Variants in NUDT5 observed in about 807,000 individuals in gnomAD.
NUDT5 encodes ADP-sugar pyrophosphatase.
A neutral mutation model predicts 34.1 loss-of-function variants in NUDT5; 21 were observed. The ratio of observed to expected loss-of-function variants is 0.62; its 90% confidence interval spans 0.44 to 0.89. The LOEUF is 0.89. Ranked by LOEUF, NUDT5 falls within the 40% of genes least tolerant of loss-of-function variation. The probability of loss-of-function intolerance (pLI) is 0.00; values close to 1 mark genes in which losing one functional copy is unlikely to be tolerated. For missense variants in NUDT5, 249 were observed against 274.8 expected, an observed-to-expected ratio of 0.91 and a Z score of 0.66; for synonymous variants, 85 against 97.6, an observed-to-expected ratio of 0.87 and a Z score of 0.76.
rs1231103312 is a variant in NUDT5 at position 12,182,830 on chromosome 10, G to A, written c.131+2059C>T. Among the ~76,000 whole-genome samples the A allele has an allele frequency of 2.6e-5, 4 of 152,126 alleles. No individual in the cohort carries two copies. The highest frequency in any genetic ancestry group is 4.4e-5 in the Non-Finnish European group (3 of 68,016). On this transcript the variant is annotated intron_variant, in intron 3 of 9. Transcript: ENST00000491614. This position sits in a 1 kb window ranked among gnomAD's most constrained non-coding sequence, Gnocchi z 4.3. Reference sequence around the variant, plus strand: ...CGGCTCACTGCAACCACCTCCTCCCGGGCTCAAGCAATTCTCCTGTCTCAG... The same window carrying A: ...CGGCTCACTGCAACCACCTCCTCCCAGGCTCAAGCAATTCTCCTGTCTCAG...
At position 12,168,339 on chromosome 10, in the gene NUDT5, T is replaced by G. The variant is rs1834761574; in HGVS notation, c.551-528A>C. Reference sequence around the variant, plus strand: ...GCACCCAGCCAGGGATGATTTTATGTGTGAAAACAGCAAAGTTGGAAGTGT... The same window carrying G: ...GCACCCAGCCAGGGATGATTTTATGGGTGAAAACAGCAAAGTTGGAAGTGT... On this transcript the variant is annotated intron_variant, in intron 9 of 9. Transcript: ENST00000491614. The surrounding 1 kb of genome is among the most constrained non-coding windows in gnomAD (Gnocchi z 4.8). Among the ~76,000 whole-genome samples, 1 of 152,136 alleles carries G rather than the reference T, an allele frequency of 6.6e-6. No homozygotes were observed. The highest frequency in any genetic ancestry group is 1.5e-5 in the Non-Finnish European group (1 of 68,026).
At chr10:12,190,178 C>G (rs950391397) in intron 1 of NUDT5, among the ~76,000 whole-genome samples, 2 of 152,274 alleles carry the variant, frequency 1.3e-5, no homozygotes, top group Admixed American at 1.3e-4. Context: ...CGTGAGTCAC[C>G]GCGCCAGCGA....
At chr10:12,185,992 G>A (rs990156288) in intron 2 of NUDT5, among the ~76,000 whole-genome samples, 8 of 152,136 alleles carry the variant, frequency 5.3e-5, no homozygotes, top group African/African-American at 1.7e-4. Context: ...GAAGGATTAA[G>A]AATTTTTCTG....
chr10:12,184,403 C>G, intron 3 of NUDT5: 1 of 1,115,498 alleles, frequency 9.0e-7, no homozygotes, highest in Non-Finnish European at 1.3e-6. Flanking sequence ...TCAAAGGGTA[C>G]AGTATCTTTA....
chr10:12,183,447 T>C (rs974642963), intron 3 of NUDT5, among the ~76,000 whole-genome samples: 1 of 152,226 alleles, frequency 6.6e-6, no homozygotes, highest in African/African-American at 2.4e-5. Flanking sequence ...GTAGATATAA[T>C]CACAGTTGTT....
chr10:12,180,572 C>T (rs1835026368), intron 3 of NUDT5: 1 of 152,180 alleles, frequency 6.6e-6, no homozygotes, highest in South Asian at 2.1e-4. Flanking sequence ...CATAAATCAC[C>T]AGCAATAAAA....
rs1046548942 is a variant in NUDT5 at position 12,182,260 on chromosome 10, G to A, written c.131+2629C>T. ...CAGCCTGTCACACAGAGTCAGGTGTGGAATTCTCCAGCTGGGGCATCATGT... is the reference window on the plus strand; with the variant it reads ...CAGCCTGTCACACAGAGTCAGGTGTAGAATTCTCCAGCTGGGGCATCATGT... On this transcript the variant is annotated intron_variant, in intron 3 of 9. Coordinates refer to ENST00000491614, the MANE Select transcript of NUDT5 (RefSeq NM_014142.4). The surrounding 1 kb of genome is among the most constrained non-coding windows in gnomAD (Gnocchi z 4.3). Among the ~76,000 whole-genome samples the A allele has an allele frequency of 2.6e-5, 4 of 152,186 alleles. No individual in the cohort carries two copies. The highest frequency in any genetic ancestry group is 2.0e-4 in the Admixed American group (3 of 15,276).
chr10:12,179,335 T>A lies in NUDT5; in HGVS notation c.132-203A>T, dbSNP rs111718769. On this transcript the variant is annotated intron_variant, in intron 3 of 9. Coordinates refer to ENST00000491614, the MANE Select transcript of NUDT5 (RefSeq NM_014142.4). ...GCTTCTGAAAATTAACAACGAAAAC[T>A]CTTGCCACCCTACACCTCACCTTCT... is the stretch of plus-strand genomic sequence containing the variant. Among the ~76,000 whole-genome samples, 6 of 152,300 alleles carry A rather than the reference T, an allele frequency of 3.9e-5. 1 individual carries two copies. The highest frequency in any genetic ancestry group is 1.2e-4 in the African/African-American group (5 of 41,570).
At chr10:12,176,197 C>G (rs1834947368) in intron 5 of NUDT5, among the ~76,000 whole-genome samples, 1 of 148,982 alleles carries the variant, frequency 6.7e-6, no homozygotes, top group Non-Finnish European at 1.5e-5. Flanking sequence ...AACTCTATTT[C>G]AAAAAATAAA....
chr10:12,171,682 ATTTAT>A lies in NUDT5; in HGVS notation c.488-779_488-775del, dbSNP rs1373553136. Among the ~76,000 whole-genome samples, 11 of 144,124 alleles carry A rather than the reference ATTTAT, an allele frequency of 7.6e-5. No individual in the cohort carries two copies. Among genetic ancestry groups the A allele is most frequent in the Non-Finnish European group, 1.4e-4 (9 of 65,904 alleles). The allele number at this position is 144,124 out of a possible 152,430, so 94.6% of individuals were successfully genotyped here. A position where few individuals can be genotyped will look rare whatever the true frequency, so the allele number is the denominator to read the frequency against. On this transcript the variant is annotated intron_variant, in intron 7 of 9. Coordinates refer to ENST00000491614, the MANE Select transcript of NUDT5 (RefSeq NM_014142.4). The surrounding 1 kb of genome is among the most constrained non-coding windows in gnomAD (Gnocchi z 4.2). ...GTATATGTGCAGTTCAAAAATTAAG[ATTTAT>A]TTTATTTATTTATTTATTTATTTAT...
intron 2 of NUDT5, 84 bp downstream of exon 2, chr10:12,186,142 GACC>G: frequency 9.6e-7 from 1 of 1,045,874 alleles, no homozygotes; most frequent in South Asian, 1.4e-5. Context: ...AAGAATGAAA[GACC>G]ACCATTGTAA....
intron 1 of NUDT5, among the ~76,000 whole-genome samples, chr10:12,194,471 G>T (rs569152840): frequency 1.0e-3 from 152 of 152,206 alleles, no homozygotes; most frequent in Non-Finnish European, 1.5e-3. Flanking sequence ...GCATAGTTCC[G>T]GATCAAGGCA....
At position 12,181,896 on chromosome 10, in the gene NUDT5, T is replaced by C. The variant is rs185260725; in HGVS notation, c.132-2764A>G. Reference sequence around the variant, plus strand: ...GCTCACGACTGTAGTCCTAGCACTTTGGGAGGCCAAGGTGGGTGGATCACC... The same window carrying C: ...GCTCACGACTGTAGTCCTAGCACTTCGGGAGGCCAAGGTGGGTGGATCACC... On this transcript the variant is annotated intron_variant, in intron 3 of 9. Transcript: ENST00000491614. The surrounding 1 kb of genome is among the most constrained non-coding windows in gnomAD (Gnocchi z 5.0). 6.4e-3 allele frequency among the ~76,000 whole-genome samples: 972 copies of C among 152,250 alleles called. 4 individuals carry two copies. Among genetic ancestry groups the C allele is most frequent in the Middle Eastern group, 0.02 (6 of 294 alleles).
chr10:12,174,591 A>C (rs972632978), intron 5 of NUDT5, among the ~76,000 whole-genome samples: 2 of 152,186 alleles, frequency 1.3e-5, no homozygotes, highest in Non-Finnish European at 2.9e-5. Flanking sequence ...ATTTTTATAG[A>C]AACAAAAAGG....
At position 12,171,393 on chromosome 10, in the gene NUDT5, A is replaced by G. The variant is rs966346180; in HGVS notation, c.488-485T>C. 6.6e-6 allele frequency among the ~76,000 whole-genome samples: 1 copy of G among 152,196 alleles called. No homozygotes were observed. Among genetic ancestry groups the G allele is most frequent in the Admixed American group, 6.5e-5 (1 of 15,272 alleles). The stretch of plus-strand genomic sequence containing the variant: ...TATTCTGGGCACCCAGATACGTAGA[A>G]TCAGAGTATTTGCCCATCATGTTAT... On this transcript the variant is annotated intron_variant, in intron 7 of 9. Transcript: ENST00000491614. This position sits in a 1 kb window ranked among gnomAD's most constrained non-coding sequence, Gnocchi z 4.2.
chr10:12,187,144 C>A lies in NUDT5; in HGVS notation c.-41-812G>T, dbSNP rs1252259365. Among the ~76,000 whole-genome samples the A allele has an allele frequency of 6.6e-6, 1 of 152,056 alleles. No individual in the cohort carries two copies. Among genetic ancestry groups the A allele is most frequent in the African/African-American group, 2.4e-5 (1 of 41,382 alleles). On this transcript the variant is annotated intron_variant, in intron 1 of 9. Transcript: ENST00000491614. The surrounding 1 kb of genome is among the most constrained non-coding windows in gnomAD (Gnocchi z 5.4). Reference sequence around the variant, plus strand: ...ACCTCCCAAGCTCACGTGCTCCTCGCATCTCAGCCTCCTGAGTAGCTGGGA... The same window carrying A: ...ACCTCCCAAGCTCACGTGCTCCTCGAATCTCAGCCTCCTGAGTAGCTGGGA...
intron 2 of NUDT5, among the ~76,000 whole-genome samples, chr10:12,185,514 G>T (rs910111252): frequency 6.6e-6 from 1 of 152,194 alleles, no homozygotes; most frequent in Non-Finnish European, 1.5e-5. Context: ...TAGACACTGG[G>T]GAGTTCTGGT....
Position 12,168,125 on chromosome 10 carries a change from A to T in NUDT5, c.551-314T>A, listed in dbSNP as rs1379940062. ...CTGCAACCTCTGCCTCCTGGGTTTAAGCGATTCTCCTGCCTCAGCCTCCCC... is the reference window on the plus strand; with the variant it reads ...CTGCAACCTCTGCCTCCTGGGTTTATGCGATTCTCCTGCCTCAGCCTCCCC... On this transcript the variant is annotated intron_variant, in intron 9 of 9. Transcript: ENST00000491614. The surrounding 1 kb of genome is among the most constrained non-coding windows in gnomAD (Gnocchi z 4.8). Among the ~76,000 whole-genome samples the T allele has an allele frequency of 1.3e-5, 2 of 152,010 alleles. No individual in the cohort carries two copies. Among genetic ancestry groups the T allele is most frequent in the African/African-American group, 4.8e-5 (2 of 41,380 alleles).
At chr10:12,194,486 T>C (rs1835294367) in intron 1 of NUDT5, among the ~76,000 whole-genome samples, 1 of 152,176 alleles carries the variant, frequency 6.6e-6, no homozygotes, top group Non-Finnish European at 1.5e-5. Flanking sequence ...AAGGCATAAA[T>C]GATGAATCAT....
Sources: allele counts gnomAD v4.1 joint callset (sites outside exome capture counted in the v4.1 genomes callset), GRCh38; gene constraint gnomAD v4.1.1; non-coding constraint Gnocchi (gnomAD v3.1); transcripts MANE v1.5; gene names NCBI Gene and HGNC (gene_info 2026-07-23, HGNC 2026-07-21).